Variants in MTERF4 observed in about 807,000 individuals in gnomAD.
MTERF4 encodes mitochondrial transcription termination factor 4, also known as transcription termination factor 4, mitochondrial.
MTERF4 carries 17 observed loss-of-function variants against 22.5 expected under a neutral mutation model. The ratio of observed to expected loss-of-function variants is 0.75; its 90% CI spans 0.52 to 1.13. The LOEUF (loss-of-function observed/expected upper bound fraction) is 1.13, where lower values mean the gene tolerates loss of function less well. Among genes scored for constraint, MTERF4 ranks in the 50% most tolerant of loss-of-function variants. MTERF4 has a pLI of 0.00. For synonymous variants in MTERF4, 165 were observed against 175.3 expected (o/e 0.94, Z 0.47); for missense variants, 420 against 466.8 (o/e 0.90, Z 0.92).
chr2:241,096,357 GC>G lies in MTERF4; in HGVS notation c.786del (p.Lys262AsnfsTer149). ...AGGCGCTCCAGGTAAATGTGTCTCTGCTTAATCTTGGTTAGTGAATACTGCA... is the reference window on the plus strand; with the variant it reads ...AGGCGCTCCAGGTAAATGTGTCTCTGTTAATCTTGGTTAGTGAATACTGCA... ...EYLQYSLTKI[K>X]QRHIYLERLG... On this transcript the variant is annotated frameshift_variant, in exon 4 of 4. Transcript: ENST00000391980. LOFTEE classifies it low-confidence loss of function (END_TRUNC). The surrounding 1 kb of genome is among the most constrained non-coding windows in gnomAD (Gnocchi z 5.1). The G allele has an allele frequency of 6.2e-7, 1 of 1,614,138 alleles. No homozygotes were observed. The highest frequency in any genetic ancestry group is 8.5e-7 in the Non-Finnish European group (1 of 1,180,040).
the MTERF4 span, among the ~76,000 whole-genome samples, chr2:241,044,267 T>G: frequency 2.0e-5 from 3 of 152,172 alleles, no homozygotes; most frequent in East Asian, 5.8e-4. Flanking sequence ...ATTGTCAAAT[T>G]GAATTGAAAA....
At chr2:241,068,097 C>T, downstream of MTERF4, 2 of 743,574 alleles carry the variant, frequency 2.7e-6, no homozygotes, top group Admixed American at 2.8e-5. The surrounding 1 kb of genome is among the most constrained non-coding windows in gnomAD (Gnocchi z 5.3). Context: ...CTCAGGTGAG[C>T]CAGCCTCAGA....
chr2:241,048,846 T>G, the MTERF4 span: 1 of 1,303,572 alleles, frequency 7.7e-7, no homozygotes, highest in African/African-American at 1.5e-5. Flanking sequence ...TCGGCCGGGG[T>G]CCGTAGGTCC....
Position 241,099,901 on chromosome 2 carries a change from G to C in MTERF4, c.22-7C>G, listed in dbSNP as rs943219436. The stretch of plus-strand genomic sequence containing the variant: ...GGCGGTGCCAATCAAGGACCTGTAA[G>C]ACACAGGACCAAAAGACAATTAATT... On this transcript the variant is annotated splice_region_variant and splice_polypyrimidine_tract_variant and intron_variant, in intron 1 of 3. Transcript: ENST00000391980. 6 of 1,609,140 alleles carry C rather than the reference G, an allele frequency of 3.7e-6. No individual in the cohort carries two copies. The highest frequency in any genetic ancestry group is 1.3e-5 in the African/African-American group (1 of 74,892).
Position 241,096,203 on chromosome 2 carries a change from T to C in MTERF4, c.941A>G (p.Gln314Arg), listed in dbSNP as rs754598888. ...CCGAGCCAGGAGCTTCTTAAAAACTTGAAACTCCTCAACAGAAGTACAGGC... is the reference window on the plus strand; with the variant it reads ...CCGAGCCAGGAGCTTCTTAAAAACTCGAAACTCCTCAACAGAAGTACAGGC... ...RTACTSVEEF[Q>R]VFKKLLAREE... is the part of the protein sequence containing the mutation. Residue 314 changes from glutamine (Q) to arginine (R), a missense_variant, in exon 4 of 4, where the codon CAA becomes CGA. Coordinates refer to ENST00000391980, the MANE Select transcript of MTERF4 (RefSeq NM_182501.4). The surrounding 1 kb of genome is among the most constrained non-coding windows in gnomAD (Gnocchi z 5.1). The C allele has an allele frequency of 3.1e-6, 5 of 1,614,128 alleles. No homozygotes were observed. Among genetic ancestry groups the C allele is most frequent in the South Asian group, 1.1e-5 (1 of 91,088 alleles).
chr2:241,087,197 T>A, downstream of MTERF4: 1 of 573,836 alleles, frequency 1.7e-6, no homozygotes, highest in South Asian at 2.6e-5. Context: ...TGTACCACAA[T>A]AAATTTATTA....
At chr2:241,048,350 C>G in the MTERF4 span, 1 of 1,611,140 alleles carries the variant, frequency 6.2e-7, no homozygotes, top group East Asian at 2.2e-5. Context: ...CCTCTCGGCC[C>G]CTTGCCACAA....
chr2:241,102,257 C>T lies in MTERF4; in HGVS notation c.17G>A (p.Arg6His). 2 of 1,549,382 alleles carry T rather than the reference C, an allele frequency of 1.3e-6. No individual in the cohort carries two copies. Among genetic ancestry groups the T allele is most frequent in the South Asian group, 2.4e-5 (2 of 84,034 alleles). ...GCGCGCCCAGCTCGAGCTTACCTGA[C>T]GGCCGAACGCAGCCATAGCGCGGAG... is the stretch of plus-strand genomic sequence containing the variant. MAAFG[R>H]QVLDWHRLIP... Residue 6 changes from arginine to histidine, a missense_variant, in exon 1 of 4, where the codon CGT becomes CAT. Physicochemically the swap from Arg to His is conservative, Grantham distance 29. Transcript: ENST00000391980.
At position 241,099,744 on chromosome 2, in the gene MTERF4, C is replaced by T. The variant is rs1201961806; in HGVS notation, c.172G>A (p.Val58Ile). Residue 58 changes from valine (V) to isoleucine (I), a missense_variant, in exon 2 of 4, where the codon GTT (valine) becomes ATT (isoleucine). Coordinates refer to ENST00000391980, the MANE Select transcript of MTERF4 (RefSeq NM_182501.4). ...NGGVIEELSC[V>I]RSNNYVQEPE... ...TCCTGCACATAGTTATTGGATCTAA[C>T]ACAAGATAACTCCTCAATGACCCCT... is the stretch of plus-strand genomic sequence containing the variant. The T allele has an allele frequency of 2.5e-6, 4 of 1,614,178 alleles. No homozygotes were observed. The highest frequency in any genetic ancestry group is 3.4e-6 in the Non-Finnish European group (4 of 1,180,034).
downstream of MTERF4, chr2:241,094,398 C>T (rs561989840): frequency 2.9e-4 from 135 of 471,214 alleles, no homozygotes; most frequent in South Asian, 9.4e-4. The surrounding 1 kb of genome is among the most constrained non-coding windows in gnomAD (Gnocchi z 4.3). Flanking sequence ...AAACAAAAGT[C>T]TTTTTCTTTG....
downstream of MTERF4, chr2:241,090,011 G>A (rs62187374): frequency 0.088 from 136,005 of 1,548,452 alleles, 6,798 homozygotes; most frequent in East Asian, 0.23. Flanking sequence ...GCTGGAATGC[G>A]CAGGACTGGC....
the MTERF4 span, among the ~76,000 whole-genome samples, chr2:241,057,408 T>TATATATATATATATATATGC: frequency 8.4e-6 from 1 of 119,204 alleles, no homozygotes; most frequent in African/African-American, 3.1e-5. Flanking sequence ...TATATATATA[T>TATATATATATATATATATGC]ATATGCCATA....
intron 1 of MTERF4, 62 bp from the exon 2 acceptor site, chr2:241,099,956 A>G: frequency 1.3e-6 from 2 of 1,548,634 alleles, no homozygotes; most frequent in Non-Finnish European, 1.7e-6. Context: ...TGGACACCAT[A>G]AGACTTCTGA....
chr2:241,061,143 C>G, the MTERF4 span, among the ~76,000 whole-genome samples: 1 of 151,738 alleles, frequency 6.6e-6, no homozygotes, highest in African/African-American at 2.4e-5. Context: ...GATAAATAGT[C>G]TCAAGACTAC....
intron 4 of MTERF4, among the ~76,000 whole-genome samples, chr2:241,078,346 G>A (rs1156534662): frequency 6.8e-6 from 1 of 146,362 alleles, no homozygotes; most frequent in African/African-American, 2.6e-5. Flanking sequence ...TCGCGCCACT[G>A]CACTGCAGCC....
chr2:241,096,662 G>A lies in MTERF4; in HGVS notation c.706-224C>T, dbSNP rs772370250. On this transcript the variant is annotated intron_variant, in intron 3 of 3. Transcript: ENST00000391980. This position sits in a 1 kb window ranked among gnomAD's most constrained non-coding sequence, Gnocchi z 5.1. ...CATGGAGCAGGAAATAAAGGGGTGG[G>A]AGGGAAAAGGGGCAGGAGGGAGAAG... The A allele has an allele frequency of 1.4e-4, 93 of 688,514 alleles. 1 individual carries two copies. The South Asian group carries it at 1.4e-3, about 10-fold the overall frequency. The allele number at this position is 688,514 out of a possible 1,614,324, so 42.7% of individuals were successfully genotyped here.
chr2:241,082,327 G>T (rs2108485), downstream of MTERF4: 329,814 of 1,612,610 alleles, frequency 0.2, 48,370 homozygotes, highest in African/African-American at 0.68. Context: ...CGAGACAAAG[G>T]CCTTTCCAGT....
chr2:241,086,479 C>A (rs1457871937), downstream of MTERF4, among the ~76,000 whole-genome samples: 1 of 152,220 alleles, frequency 6.6e-6, no homozygotes, highest in African/African-American at 2.4e-5. Context: ...CCAAAAACTT[C>A]TCTAGGCTGA....
the MTERF4 span, chr2:241,063,789 G>A: frequency 9.6e-7 from 1 of 1,037,456 alleles, no homozygotes; most frequent in African/African-American, 1.6e-5. Context: ...ATTCCCTGCT[G>A]GGCAGGCCAC....
Sources: allele counts gnomAD v4.1 joint callset (sites outside exome capture counted in the v4.1 genomes callset), GRCh38; gene constraint gnomAD v4.1.1; non-coding constraint Gnocchi (gnomAD v3.1); transcripts MANE v1.5; gene names NCBI Gene and HGNC (gene_info 2026-07-23, HGNC 2026-07-21).